Variants in BAZ2B observed in about 807,000 individuals in gnomAD.
BAZ2B encodes the protein bromodomain adjacent to zinc finger domain 2B.
A neutral mutation model predicts 246.0 loss-of-function variants in BAZ2B; 91 were observed. The observed-to-expected ratio is 0.37, with a 90% CI of 0.31 to 0.44. The LOEUF (loss-of-function observed/expected upper bound fraction) is 0.44. Among genes scored for constraint, BAZ2B ranks in the 20% least tolerant of loss-of-function variants. BAZ2B has a pLI of 1.00. For synonymous variants in BAZ2B, 855 were observed against 860.0 expected, an observed-to-expected ratio of 0.99 and a Z score of 0.10; for missense variants, 2,332 against 2,533.7, an observed-to-expected ratio of 0.92 and a Z score of 1.71.
chr2:159,386,747 A>C (rs1351218074), intron 21 of BAZ2B, 140 bp from the exon 22 acceptor site: 1 of 989,090 alleles, frequency 1.0e-6, no homozygotes, highest in Non-Finnish European at 1.4e-6. Flanking sequence ...TGGGATGCTA[A>C]ATTCTCTGGG....
intron 8 of BAZ2B, among the ~76,000 whole-genome samples, chr2:159,436,679 A>G (rs1040822592): frequency 6.6e-6 from 1 of 152,198 alleles, no homozygotes. Flanking sequence ...TGAACCCAGG[A>G]GGTGGAGCTT....
chr2:159,616,439 C>T lies in BAZ2B; in HGVS notation c.-243G>A, dbSNP rs13388082. 0.54 allele frequency: 82,701 copies of T among 151,860 alleles called. 23,375 individuals carry two copies. Among genetic ancestry groups the T allele is most frequent in the East Asian group, 0.74 (3,798 of 5,166 alleles). 9.4% of individuals were successfully genotyped at this position (151,860 alleles called of 1,614,324 possible). ...GACTCCCTCCTTCTCCGTCTTCCGCCTCTCTCTCTCTGATTAGTTCCTATC... is the reference window on the plus strand; with the variant it reads ...GACTCCCTCCTTCTCCGTCTTCCGCTTCTCTCTCTCTGATTAGTTCCTATC... On this transcript the variant is annotated 5_prime_UTR_variant, in exon 1 of 37. Transcript: ENST00000392783.
chr2:159,601,480 C>T (rs1390558068), intron 1 of BAZ2B, among the ~76,000 whole-genome samples: 4 of 150,840 alleles, frequency 2.7e-5, no homozygotes, highest in Admixed American at 6.6e-5. Flanking sequence ...CCCAGCACTT[C>T]GGGAGGCCGA....
intron 1 of BAZ2B, among the ~76,000 whole-genome samples, chr2:159,586,964 T>C (rs1688151599): frequency 1.3e-5 from 2 of 152,186 alleles, no homozygotes; most frequent in Non-Finnish European, 2.9e-5. Context: ...AGAATGCCAA[T>C]AGACATACCT....
intron 34 of BAZ2B, among the ~76,000 whole-genome samples, chr2:159,326,960 T>C (rs1211923868): frequency 5.9e-5 from 9 of 152,204 alleles, no homozygotes; most frequent in Admixed American, 1.3e-4. Flanking sequence ...CCAAACACTT[T>C]TAGAAAACTA....
At chr2:159,488,008 C>T (rs1036403545) in intron 2 of BAZ2B, among the ~76,000 whole-genome samples, 15 of 151,898 alleles carry the variant, frequency 9.9e-5, no homozygotes, top group East Asian at 3.9e-4. Flanking sequence ...AATCACAAAA[C>T]GATCAGGATT....
rs1235897511 is a variant in BAZ2B, at chr2:159,385,384, C to T, written c.3472-15G>A. ...GCTGTTTTAGCCTATAAAAGTTTGG[C>T]ATTTTTATCAGTATTACTCACAACC... On this transcript the variant is annotated splice_polypyrimidine_tract_variant and intron_variant, in intron 22 of 36. Coordinates refer to ENST00000392783, the MANE Select transcript of BAZ2B (RefSeq NM_013450.4). 3.1e-6 allele frequency: 5 copies of T among 1,600,796 alleles called. No homozygotes were observed. The highest frequency in any genetic ancestry group is 1.3e-5 in the African/African-American group (1 of 74,508).
rs184668201 is a variant in BAZ2B, at chr2:159,344,112, G to C, written c.5454+3374C>G. ...AGGGAACTCTTACATACTGTTGGTGGGAATGTAAACTAGTACAGCCACTAT... is the reference window on the plus strand; with the variant it reads ...AGGGAACTCTTACATACTGTTGGTGCGAATGTAAACTAGTACAGCCACTAT... On this transcript the variant is annotated intron_variant, in intron 31 of 36. Coordinates refer to ENST00000392783, the MANE Select transcript of BAZ2B (RefSeq NM_013450.4). Among the ~76,000 whole-genome samples the C allele has an allele frequency of 2.0e-5, 3 of 152,070 alleles. No individual in the cohort carries two copies. In the East Asian group the frequency reaches 5.8e-4, roughly 29 times the overall value.
chr2:159,594,779 G>A (rs375051611), intron 1 of BAZ2B, among the ~76,000 whole-genome samples: 2 of 152,026 alleles, frequency 1.3e-5, no homozygotes, highest in Non-Finnish European at 2.9e-5. Context: ...CTACAGGCGC[G>A]TGCCAACATA....
At chr2:159,604,961 T>C (rs967677086) in intron 1 of BAZ2B, among the ~76,000 whole-genome samples, 10 of 142,542 alleles carry the variant, frequency 7.0e-5, no homozygotes, top group East Asian at 6.2e-4. Context: ...TGCGCGTGTG[T>C]GCGCGCGCTA....
chr2:159,322,702 T>C (rs1331278907), intron 36 of BAZ2B, among the ~76,000 whole-genome samples: 2 of 152,196 alleles, frequency 1.3e-5, no homozygotes, highest in African/African-American at 4.8e-5. Flanking sequence ...ATGGGGCAGC[T>C]AATGGAACTC....
the BAZ2B span, among the ~76,000 whole-genome samples, chr2:159,674,361 A>AAAGGAAAAGG: frequency 4.7e-5 from 7 of 149,772 alleles, no homozygotes; most frequent in Middle Eastern, 3.4e-3. Context: ...GAAAGAAAGA[A>AAAGGAAAAGG]AAGGAAAAGG....
chr2:159,600,091 A>C (rs56027129), intron 1 of BAZ2B, among the ~76,000 whole-genome samples: 46,147 of 151,970 alleles, frequency 0.3, 8,772 homozygotes, highest in Admixed American at 0.42. Context: ...GTCCTAGCTC[A>C]GATTCCTTAG....
At chr2:159,498,470 T>C (rs1405986187) in intron 2 of BAZ2B, among the ~76,000 whole-genome samples, 1 of 152,208 alleles carries the variant, frequency 6.6e-6, no homozygotes, top group East Asian at 1.9e-4. Context: ...TAGATAATAG[T>C]ATAATTTGAA....
At chr2:159,421,329 C>T (rs1293624365) in intron 13 of BAZ2B, among the ~76,000 whole-genome samples, 2 of 151,982 alleles carry the variant, frequency 1.3e-5, no homozygotes, top group African/African-American at 2.4e-5. Context: ...CATGCAGCAC[C>T]ATGCCCAGGT....
intron 1 of BAZ2B, among the ~76,000 whole-genome samples, chr2:159,606,366 C>A (rs1693496665): frequency 6.6e-6 from 1 of 152,196 alleles, no homozygotes; most frequent in African/African-American, 2.4e-5. Flanking sequence ...GCATGCTGCA[C>A]TAACAACCCA....
At chr2:159,685,994 G>A in the BAZ2B span, among the ~76,000 whole-genome samples, 1 of 152,190 alleles carries the variant, frequency 6.6e-6, no homozygotes, top group South Asian at 2.1e-4. Flanking sequence ...GGCCCTGGTG[G>A]CCCCCACCTG....
downstream of BAZ2B, among the ~76,000 whole-genome samples, chr2:159,316,930 G>A (rs538819359): frequency 7.2e-5 from 11 of 152,008 alleles, no homozygotes; most frequent in Admixed American, 6.6e-4. Flanking sequence ...GAACCCGTGA[G>A]GCGGAGGTTG....
At chr2:159,709,860 T>C in the BAZ2B span, among the ~76,000 whole-genome samples, 1 of 152,286 alleles carries the variant, frequency 6.6e-6, no homozygotes, top group Non-Finnish European at 1.5e-5. Flanking sequence ...GACAAGTTTA[T>C]AAAATAAAAG....
Sources: allele counts gnomAD v4.1 joint callset (sites outside exome capture counted in the v4.1 genomes callset), GRCh38; gene constraint gnomAD v4.1.1; transcripts MANE v1.5; gene names NCBI Gene and HGNC (gene_info 2026-07-23, HGNC 2026-07-21).